The following ZAN variants were observed in gnomAD, a reference collection of about 807,000 sequenced individuals.
The protein encoded by ZAN is zonadhesin.
A neutral mutation model predicts 286.2 loss-of-function variants in ZAN; 260 were observed. The observed-to-expected ratio is 0.91, with a 90% CI of 0.82 to 1.01. ZAN has a LOEUF of 1.01. Among genes scored for constraint, ZAN ranks in the 50% least tolerant of loss-of-function variants. The probability of loss-of-function intolerance (pLI) is 0.00; values close to 1 mark genes in which losing one functional copy is unlikely to be tolerated. For synonymous variants in ZAN, 1,368 were observed against 1,417.5 expected (o/e 0.97, Z 0.79); for missense variants, 3,410 against 3,639.2 (o/e 0.94, Z 1.62).
rs1238516103 is a variant in ZAN at position 100,767,063 on chromosome 7, G to A, written c.4666G>A (p.Ala1556Thr). The part of the protein sequence containing the change: ...GDPHYLTFDG[A>T]LHHFMGTCTY... ...CCCCCACTACCTGACCTTCGATGGC[G>A]CCTTGCACCACTTCATGGGCACCTG... The change falls in exon 25 of 48, where the codon GCC becomes ACC. Residue 1556 changes from alanine (A) to threonine (T), a missense_variant. Transcript: ENST00000613979. 2.5e-6 allele frequency: 4 copies of A among 1,613,808 alleles called. No homozygotes were observed. The highest frequency in any genetic ancestry group is 1.3e-5 in the African/African-American group (1 of 74,988).
intron 23 of ZAN, among the ~76,000 whole-genome samples, chr7:100,766,149 G>A (rs906843616): frequency 6.6e-6 from 1 of 151,946 alleles, no homozygotes; most frequent in African/African-American, 2.4e-5. Context: ...ACCACGCCAG[G>A]CTAATTTTTG....
chr7:100,767,667 C>T (rs988582973), intron 25 of ZAN, among the ~76,000 whole-genome samples, 164 bp from the exon 26 acceptor site: 17 of 151,258 alleles, frequency 1.1e-4, no homozygotes, highest in African/African-American at 3.6e-4. Context: ...TTTGTAGAGA[C>T]GGGCTTTCTC....
rs201666374 is a variant in ZAN, at chr7:100,750,653, C to T, written c.1278C>T (p.Asp426=). The T allele has an allele frequency of 1.8e-4, 294 of 1,613,344 alleles. 2 individuals carry two copies. The highest frequency in any genetic ancestry group is 1.4e-3 in the South Asian group (126 of 90,872). ...GTCACTATATCTACCTTGAGGCTGA[C>T]GAGTTCTCCCAGGCAGGCCAGTCAG... The part of the protein sequence containing the change: ...AGGHYIYLEA[D]EFSQAGQSVR... The change falls in exon 12 of 48, where the codon GAC becomes GAT. Residue 426 remains aspartate, a synonymous_variant. Coordinates refer to ENST00000613979, the MANE Select transcript of ZAN (RefSeq NM_003386.3).
At position 100,773,294 on chromosome 7, in the gene ZAN, G is replaced by A. The variant is rs1810513172; in HGVS notation, c.5435G>A (p.Cys1812Tyr). The stretch of plus-strand genomic sequence containing the variant: ...CTCTCATTTTCTTTAGCTATGAGGT[G>A]CCCACCTGGCAGCAGCTACAGCCCC... ...WRNRTFCPMR[C>Y]PPGSSYSPCS... The change falls in exon 30 of 48, where the codon TGC becomes TAC. Residue 1812 changes from cysteine (C) to tyrosine (Y), a missense_variant. Cys to Tyr is a radical substitution (Grantham distance 194, BLOSUM62 -2). Transcript: ENST00000613979. 2 of 1,613,194 alleles carry A rather than the reference G, an allele frequency of 1.2e-6. No individual in the cohort carries two copies. The highest frequency in any genetic ancestry group is 2.2e-5 in the South Asian group (2 of 91,070).
At chr7:100,748,633 C>T (rs1808400390) in intron 11 of ZAN, among the ~76,000 whole-genome samples, 163 bp downstream of exon 11, 1 of 152,106 alleles carries the variant, frequency 6.6e-6, no homozygotes, top group African/African-American at 2.4e-5. Flanking sequence ...GTGGAGATAG[C>T]AGAGTAACTT....
At chr7:100,792,340 T>C in intron 41 of ZAN, 65 bp from the exon 42 acceptor site, 4 of 1,536,534 alleles carry the variant, frequency 2.6e-6, no homozygotes, top group Non-Finnish European at 3.5e-6. Flanking sequence ...GGCTCTCTTC[T>C]GCAGGGGTGG....
rs761562039 is a variant in ZAN, at chr7:100,751,847, C to CAGAAAAGCCCACAGTCCCCAA, written c.1755_1775dup (p.Val586_Thr592dup). The CAGAAAAGCCCACAGTCCCCAA allele has an allele frequency of 1.9e-6, 3 of 1,613,728 alleles. No individual in the cohort carries two copies. The highest frequency in any genetic ancestry group is 1.7e-5 in the Admixed American group (1 of 59,972). ...TCCATAGAAAAACCCAGTGTCACCA[C>CAGAAAAGCCCACAGTCCCCAA]AGAAAAGCCCACAGTCCCCAAAGAA... On this transcript the variant is annotated inframe_insertion, in exon 14 of 48. Coordinates refer to ENST00000613979, the MANE Select transcript of ZAN (RefSeq NM_003386.3).
At chr7:100,754,750 G>T (rs1294618832) in intron 14 of ZAN, among the ~76,000 whole-genome samples, 2 of 151,734 alleles carry the variant, frequency 1.3e-5, no homozygotes, top group African/African-American at 2.4e-5. Context: ...GGGATTACAG[G>T]GGTGTAATCC....
rs1808805581 is a variant in ZAN at position 100,752,536 on chromosome 7, T to TGCCATCC, written c.2431_2432insGCCATCC (p.Ser811CysfsTer19). 1 of 1,582,860 alleles carries TGCCATCC rather than the reference T, an allele frequency of 6.3e-7. No homozygotes were observed. The highest frequency in any genetic ancestry group is 1.5e-5 in the African/African-American group (1 of 65,214). ...CACCCCCACTGAGGAGACCACCATC[T>TGCCATCC]CCACAGAAAAACCCAGCATCCCCAT... On this transcript the variant is annotated frameshift_variant, in exon 14 of 48. Coordinates refer to ENST00000613979, the MANE Select transcript of ZAN (RefSeq NM_003386.3). LOFTEE classifies it high-confidence loss of function.
At chr7:100,779,104 G>A (rs1353483589) in intron 34 of ZAN, among the ~76,000 whole-genome samples, 1 of 151,616 alleles carries the variant, frequency 6.6e-6, no homozygotes. Context: ...TCGGGAGGCT[G>A]AGGCAGGAGA....
In ZAN at chr7:100,747,701, A is replaced by T; in HGVS notation, c.1023+60A>T. The T allele has an allele frequency of 2.0e-6, 3 of 1,488,394 alleles. No individual in the cohort carries two copies. In the South Asian group the frequency reaches 3.4e-5, roughly 17 times the overall value. 92.2% of individuals were successfully genotyped at this position (1,488,394 alleles called of 1,614,324 possible). ...GGTAGGCACACCCAATGTTGAAATA[A>T]ATTGAGGGGCCTGGTGCTGTGGCTC... On this transcript the variant is annotated intron_variant, in intron 9 of 47. Coordinates refer to ENST00000613979, the MANE Select transcript of ZAN (RefSeq NM_003386.3).
At chr7:100,746,730 C>A (rs368017827) in intron 8 of ZAN, 28 bp downstream of exon 8, 252 of 1,612,148 alleles carry the variant, frequency 1.6e-4, no homozygotes, top group Non-Finnish European at 2.1e-4. Flanking sequence ...ATGGGATTTA[C>A]ACTGATCTGG....
At position 100,738,864 on chromosome 7, in the gene ZAN, C is replaced by CTCTTCTTCT. The variant is rs201544312; in HGVS notation, c.766+255_766+263dup. ...GCTCTTCTTCTTCTTCTTTCTCTTC[C>CTCTTCTTCT]TCTTCTTCTTCTCCCTCTCCCTCTC... On this transcript the variant is annotated intron_variant, in intron 7 of 47. Coordinates refer to ENST00000613979, the MANE Select transcript of ZAN (RefSeq NM_003386.3). Among the ~76,000 whole-genome samples, 21 of 79,280 alleles carry CTCTTCTTCT rather than the reference C, an allele frequency of 2.6e-4. 3 individuals carry two copies. Among genetic ancestry groups the CTCTTCTTCT allele is most frequent in the Non-Finnish European group, 5.5e-4 (18 of 32,476 alleles). 52.0% of individuals were successfully genotyped at this position (79,280 alleles called of 152,430 possible).
intron 29 of ZAN, among the ~76,000 whole-genome samples, chr7:100,773,032 T>C (rs1337224952): frequency 6.6e-6 from 1 of 151,910 alleles, no homozygotes; most frequent in East Asian, 1.9e-4. Context: ...CCACCCCAAG[T>C]AGCTGGGACT....
At chr7:100,783,072 A>T (rs1375343426) in intron 35 of ZAN, among the ~76,000 whole-genome samples, 1 of 152,128 alleles carries the variant, frequency 6.6e-6, no homozygotes, top group Admixed American at 6.6e-5. Flanking sequence ...GTTTGAGACC[A>T]GCCTGGCCAA....
At chr7:100,764,666 G>A (rs985653791) in intron 22 of ZAN, among the ~76,000 whole-genome samples, 2 of 151,412 alleles carry the variant, frequency 1.3e-5, no homozygotes, top group Non-Finnish European at 2.9e-5. Flanking sequence ...TCCAGCCTGG[G>A]TGACAGAATG....
chr7:100,738,360 G>GT, intron 6 of ZAN, 101 bp from the exon 7 acceptor site: 1 of 1,165,902 alleles, frequency 8.6e-7, no homozygotes, highest in Non-Finnish European at 1.2e-6. Context: ...CGAGGCCGCA[G>GT]TGAGCTATGA....
chr7:100,764,305 C>G, intron 22 of ZAN, 109 bp downstream of exon 22: 1 of 1,322,256 alleles, frequency 7.6e-7, no homozygotes, highest in Non-Finnish European at 1.0e-6. Flanking sequence ...GAGTTTGGGA[C>G]CAGCCTGGCC....
chr7:100,773,884 TG>T lies in ZAN; in HGVS notation c.5779+25del. The T allele has an allele frequency of 1.9e-6, 3 of 1,590,584 alleles. No homozygotes were observed. The highest frequency in any genetic ancestry group is 2.3e-5 in the East Asian group (1 of 43,996). Reference sequence around the variant, plus strand: ...GCCTCAGGTAGGAGGACCACGGTGATGGGGGGACTCCACAGCCCTGAGGCCC... The same window carrying T: ...GCCTCAGGTAGGAGGACCACGGTGATGGGGGACTCCACAGCCCTGAGGCCC... On this transcript the variant is annotated intron_variant, in intron 31 of 47. Coordinates refer to ENST00000613979, the MANE Select transcript of ZAN (RefSeq NM_003386.3).
Sources: gnomAD v4.1 joint callset for allele counts (sites outside exome capture counted in the v4.1 genomes callset) on GRCh38, gnomAD v4.1.1 for gene constraint, MANE v1.5 for transcripts, NCBI Gene and HGNC (gene_info 2026-07-23, HGNC 2026-07-21) for gene names.